The following HDAC9 variants were observed in gnomAD, a reference collection of about 807,000 sequenced individuals.
The protein encoded by HDAC9 is MEF-2 interacting transcription repressor (MITR) protein.
Under a neutral mutation model 139.4 loss-of-function variants are expected in HDAC9, and 41 were observed. That is an observed-to-expected ratio of 0.29 (90% CI 0.23 to 0.38). HDAC9 has a LOEUF of 0.38. HDAC9 is among the 10% of genes least tolerant of loss of function. HDAC9 has a pLI of 1.00. For synonymous variants in HDAC9, 517 were observed against 476.2 expected (o/e 1.09, Z -1.12); for missense variants, 1,147 against 1,297.0 (o/e 0.88, Z 1.78).
At chr7:18,186,074 T>C (rs1789890089) in intron 2 of HDAC9, among the ~76,000 whole-genome samples, 1 of 152,240 alleles carries the variant, frequency 6.6e-6, no homozygotes, top group African/African-American at 2.4e-5. Flanking sequence ...AAGGACTATT[T>C]TCTAAAATCC....
At chr7:18,657,899 C>T (rs1255340482) in intron 11 of HDAC9, among the ~76,000 whole-genome samples, 1 of 152,034 alleles carries the variant, frequency 6.6e-6, no homozygotes, top group African/African-American at 2.4e-5. Flanking sequence ...CCTCCCTTGC[C>T]TTCATCATCT....
At chr7:18,368,250 T>C (rs1357639640) in intron 1 of HDAC9, among the ~76,000 whole-genome samples, 6 of 152,060 alleles carry the variant, frequency 3.9e-5, no homozygotes, top group African/African-American at 1.2e-4. Context: ...AAAGATATCC[T>C]CCCATATTTT....
intron 1 of HDAC9, among the ~76,000 whole-genome samples, chr7:18,377,900 T>C (rs1785116943): frequency 6.6e-6 from 1 of 152,202 alleles, no homozygotes. Flanking sequence ...TTTGGTCCTG[T>C]AGATAGAGTA....
At chr7:18,666,597 A>C in intron 12 of HDAC9, 121 bp downstream of exon 12, 1 of 1,490,002 alleles carries the variant, frequency 6.7e-7, no homozygotes, top group Non-Finnish European at 8.9e-7. Context: ...CTATGATTTG[A>C]GTTCAGTGTT....
At chr7:18,991,946 C>A (rs941094724) in intron 25 of HDAC9, among the ~76,000 whole-genome samples, 1 of 152,144 alleles carries the variant, frequency 6.6e-6, no homozygotes, top group African/African-American at 2.4e-5. Context: ...AGAACAGAAC[C>A]AGGGCACACA....
intron 1 of HDAC9, among the ~76,000 whole-genome samples, chr7:18,369,925 A>AACTT (rs1355289451): frequency 6.6e-6 from 1 of 152,162 alleles, no homozygotes; most frequent in East Asian, 1.9e-4. Context: ...TTGTAAGGTC[A>AACTT]ACTTTCTCAT....
Position 18,121,786 on chromosome 7 carries a change from A to G in HDAC9, c.-97+34573A>G, listed in dbSNP as rs184749421. 1.0e-3 allele frequency among the ~76,000 whole-genome samples: 157 copies of G among 152,142 alleles called. 1 individual carries two copies. The highest frequency in any genetic ancestry group is 3.9e-3 in the Admixed American group (60 of 15,280). ...AGTCTTACTGTTTTATAATAACTACATTCTTTTTACAGGCATTACTAATGA... is the reference window on the plus strand; with the variant it reads ...AGTCTTACTGTTTTATAATAACTACGTTCTTTTTACAGGCATTACTAATGA... On this transcript the variant is annotated intron_variant, in intron 1 of 12. Transcript: ENST00000417496.
intron 1 of HDAC9, among the ~76,000 whole-genome samples, chr7:18,392,127 A>G (rs981316786): frequency 2.6e-5 from 4 of 152,240 alleles, no homozygotes; most frequent in Non-Finnish European, 1.5e-5. Flanking sequence ...ATGACCATTT[A>G]CAAGTTGTAT....
At chr7:18,654,957 C>T (rs2129047428) in intron 11 of HDAC9, among the ~76,000 whole-genome samples, 1 of 152,260 alleles carries the variant, frequency 6.6e-6, no homozygotes, top group South Asian at 2.1e-4. Flanking sequence ...AGCCAGGCCA[C>T]ATTTCATTCC....
intron 2 of HDAC9, among the ~76,000 whole-genome samples, chr7:18,270,434 C>T (rs1201615587): frequency 6.6e-6 from 1 of 152,008 alleles, no homozygotes; most frequent in Non-Finnish European, 1.5e-5. Flanking sequence ...AAAGCAAAAG[C>T]TCAGAAAAAC....
chr7:18,224,602 G>T lies in HDAC9; in HGVS notation c.25+62253G>T, dbSNP rs891196997. On this transcript the variant is annotated intron_variant, in intron 2 of 12. Transcript: ENST00000417496. ...AGGGTTCAGTATTCTCTTGAGATTG[G>T]GAGGCACAGAAACATCACACACATT... Among the ~76,000 whole-genome samples, 3 of 152,080 alleles carry T rather than the reference G, an allele frequency of 2.0e-5. No homozygotes were observed. In the East Asian group the frequency reaches 5.8e-4, roughly 29 times the overall value.
intron 2 of HDAC9, among the ~76,000 whole-genome samples, chr7:18,248,098 A>G (rs558639157): frequency 6.6e-6 from 1 of 152,314 alleles, no homozygotes; most frequent in African/African-American, 2.4e-5. Flanking sequence ...TAAGTACATA[A>G]AAATGTATTA....
chr7:18,834,334 CTT>C (rs145160356), intron 19 of HDAC9, among the ~76,000 whole-genome samples: 6 of 144,684 alleles, frequency 4.1e-5, no homozygotes, highest in African/African-American at 1.3e-4. Context: ...TGGAGTGGCT[CTT>C]TTTTTTTTGG....
chr7:18,668,946 T>G, intron 12 of HDAC9: 1 of 931,974 alleles, frequency 1.1e-6, no homozygotes, highest in African/African-American at 1.8e-5. Flanking sequence ...CAGTCTTTGT[T>G]GAAACAAGAA....
intron 1 of HDAC9, among the ~76,000 whole-genome samples, chr7:18,301,443 T>C (rs1228200490): frequency 1.1e-4 from 16 of 152,192 alleles, no homozygotes; most frequent in Admixed American, 1.0e-3. Flanking sequence ...TAGATTTTTT[T>C]TTATTGCATA....
rs187519427 is a variant in HDAC9, at chr7:18,539,519, G to A, written c.22+43195G>A. Among the ~76,000 whole-genome samples the A allele has an allele frequency of 1.5e-3, 222 of 152,172 alleles. 1 individual carries two copies. Among genetic ancestry groups the A allele is most frequent in the African/African-American group, 5.0e-3 (206 of 41,516 alleles). On this transcript the variant is annotated intron_variant, in intron 2 of 25. Coordinates refer to ENST00000686413, the MANE Select transcript of HDAC9 (RefSeq NM_178425.4). ...AAATAAAATCTGTAGTTTAGTAAAC[G>A]GTATTGTACTCACGTTAATTTCTTT...
At chr7:18,333,842 A>T (rs984703744) in intron 1 of HDAC9, among the ~76,000 whole-genome samples, 1 of 151,446 alleles carries the variant, frequency 6.6e-6, no homozygotes, top group Non-Finnish European at 1.5e-5. Flanking sequence ...GTTCTTAAAA[A>T]TAATAATGAC....
intron 1 of HDAC9, among the ~76,000 whole-genome samples, chr7:18,329,153 C>T (rs1299063872): frequency 6.6e-6 from 1 of 151,622 alleles, no homozygotes; most frequent in Non-Finnish European, 1.5e-5. Context: ...TGTAACATCT[C>T]CTTTTTCATT....
At chr7:18,734,303 A>T (rs1786676970) in intron 13 of HDAC9, among the ~76,000 whole-genome samples, 1 of 152,204 alleles carries the variant, frequency 6.6e-6, no homozygotes, top group Non-Finnish European at 1.5e-5. Context: ...ATAGGTACAC[A>T]TGTGCCATGT....
Sources: allele counts gnomAD v4.1 joint callset (sites outside exome capture counted in the v4.1 genomes callset), GRCh38; gene constraint gnomAD v4.1.1; transcripts MANE v1.5; gene names NCBI Gene and HGNC (gene_info 2026-07-23, HGNC 2026-07-21).